Variants in CSMD1 observed in about 807,000 individuals in gnomAD.
CSMD1 encodes the protein CUB and sushi domain-containing protein 1.
In CSMD1, 213 loss-of-function variants were observed where a neutral mutation model predicts 417.5. That is an observed-to-expected ratio of 0.51 (90% CI 0.46 to 0.57). The LOEUF (loss-of-function observed/expected upper bound fraction) is 0.57. Among genes scored for constraint, CSMD1 ranks in the 20% least tolerant of loss-of-function variants. CSMD1 has a pLI of 0.00. For missense variants in CSMD1, 6,923 were observed against 4,529.7 expected, an observed-to-expected ratio of 1.53 and a Z score of -15.17; for synonymous variants, 2,862 against 1,736.8, an observed-to-expected ratio of 1.65 and a Z score of -16.11.
At chr8:3,632,180 T>C (rs1014395795) in intron 7 of CSMD1, among the ~76,000 whole-genome samples, 2 of 152,230 alleles carry the variant, frequency 1.3e-5, no homozygotes, top group Non-Finnish European at 2.9e-5. Context: ...CAAAGAGCTA[T>C]AGCAAAGGCA....
intron 1 of CSMD1, among the ~76,000 whole-genome samples, chr8:4,967,203 C>G (rs915638218): frequency 4.6e-5 from 7 of 152,034 alleles, no homozygotes; most frequent in African/African-American, 1.7e-4. Flanking sequence ...CATTTGTTTG[C>G]AAAGAAGAGC....
intron 3 of CSMD1, among the ~76,000 whole-genome samples, chr8:4,139,023 C>CAA (rs1803612651): frequency 6.6e-6 from 1 of 151,946 alleles, no homozygotes; most frequent in Non-Finnish European, 1.5e-5. Flanking sequence ...AGGACATATG[C>CAA]TGCATGTTTC....
At chr8:4,847,999 C>A (rs1395859284) in intron 1 of CSMD1, among the ~76,000 whole-genome samples, 1 of 152,110 alleles carries the variant, frequency 6.6e-6, no homozygotes, top group African/African-American at 2.4e-5. Context: ...TTCCAGGGCC[C>A]GAACAACAAC....
intron 3 of CSMD1, among the ~76,000 whole-genome samples, chr8:4,388,564 G>A (rs911773591): frequency 6.6e-6 from 1 of 151,734 alleles, no homozygotes; most frequent in Non-Finnish European, 1.5e-5. Context: ...GAAGGGTGGG[G>A]GGGTGATGGA....
Position 3,468,871 on chromosome 8 carries a change from C to G in CSMD1, c.1449-47G>C. 3.2e-6 allele frequency: 4 copies of G among 1,243,958 alleles called. 1 individual carries two copies. 77.1% of individuals were successfully genotyped at this position (1,243,958 alleles called of 1,614,324 possible). ...AAGCTTTTAGGTAAGGCAACAAGTA[C>G]ATCGACTTCCACCTGAAAGGAGGGT... On this transcript the variant is annotated intron_variant, in intron 11 of 69. Transcript: ENST00000635120.
At chr8:4,126,780 G>A (rs1174494755) in intron 3 of CSMD1, among the ~76,000 whole-genome samples, 1 of 152,124 alleles carries the variant, frequency 6.6e-6, no homozygotes, top group Non-Finnish European at 1.5e-5. Flanking sequence ...ATAGAAACAG[G>A]CAACACTTCA....
chr8:4,007,773 C>A (rs1052760770), intron 4 of CSMD1, among the ~76,000 whole-genome samples: 13 of 151,868 alleles, frequency 8.6e-5, no homozygotes, highest in Non-Finnish European at 1.9e-4. Flanking sequence ...TTGTCTTTAA[C>A]AAGTGTTGGG....
chr8:3,129,053 CT>C (rs1380534853), intron 41 of CSMD1, among the ~76,000 whole-genome samples: 2 of 152,130 alleles, frequency 1.3e-5, no homozygotes, highest in Non-Finnish European at 2.9e-5. Context: ...AGGACTTATG[CT>C]TTCTAACGCT....
chr8:4,147,742 C>A (rs1457558655), intron 3 of CSMD1, among the ~76,000 whole-genome samples: 2 of 152,246 alleles, frequency 1.3e-5, no homozygotes, highest in East Asian at 1.9e-4. Flanking sequence ...CCTAGGTTAA[C>A]AACCCCCGGC....
intron 3 of CSMD1, among the ~76,000 whole-genome samples, chr8:4,268,464 G>C (rs1280147622): frequency 1.3e-5 from 2 of 152,160 alleles, no homozygotes; most frequent in African/African-American, 4.8e-5. Flanking sequence ...CTGAAAGGTA[G>C]TATCGCTGCT....
intron 2 of CSMD1, among the ~76,000 whole-genome samples, chr8:4,531,614 C>G (rs1198926856): frequency 2.0e-5 from 3 of 152,074 alleles, no homozygotes; most frequent in Admixed American, 2.0e-4. Flanking sequence ...TTTCTGCGCT[C>G]GTCAGGCCCT....
chr8:3,597,063 A>G (rs1038589343), intron 8 of CSMD1, among the ~76,000 whole-genome samples: 7 of 152,146 alleles, frequency 4.6e-5, no homozygotes, highest in Non-Finnish European at 1.0e-4. Context: ...ATTGGCCGAT[A>G]AAACAGAGCC....
chr8:3,112,623 T>A (rs1233895433), intron 42 of CSMD1, among the ~76,000 whole-genome samples: 1 of 152,218 alleles, frequency 6.6e-6, no homozygotes, highest in Non-Finnish European at 1.5e-5. Flanking sequence ...GAGTGGGTTA[T>A]GTACCAGTAA....
chr8:4,176,382 T>A, intron 3 of CSMD1, among the ~76,000 whole-genome samples: 1 of 152,130 alleles, frequency 6.6e-6, no homozygotes, highest in East Asian at 1.9e-4. Flanking sequence ...CTCTTAAGCC[T>A]CTTATTCTCA....
intron 10 of CSMD1, among the ~76,000 whole-genome samples, chr8:3,519,254 T>C (rs1797404011): frequency 1.3e-5 from 2 of 152,232 alleles, no homozygotes; most frequent in South Asian, 2.1e-4. Context: ...CATTTTGTCC[T>C]GTTCATATTT....
At chr8:4,808,466 G>T (rs184610530) in intron 1 of CSMD1, among the ~76,000 whole-genome samples, 2 of 152,280 alleles carry the variant, frequency 1.3e-5, no homozygotes, top group East Asian at 3.9e-4. Context: ...CTTGAAGCTT[G>T]TATCTGTACT....
intron 2 of CSMD1, among the ~76,000 whole-genome samples, chr8:4,550,747 A>G (rs1797836143): frequency 6.6e-6 from 1 of 152,156 alleles, no homozygotes; most frequent in Non-Finnish European, 1.5e-5. Context: ...AATCTTAACA[A>G]CTTTTTCTTC....
At chr8:3,037,284 C>T (rs1055080809) in intron 50 of CSMD1, among the ~76,000 whole-genome samples, 2 of 145,622 alleles carry the variant, frequency 1.4e-5, no homozygotes, top group East Asian at 1.9e-4. Flanking sequence ...CGGCTCACTG[C>T]AAGCTCCGCC....
chr8:3,243,923 G>T lies in CSMD1; in HGVS notation c.4154-13692C>A, dbSNP rs78457866. ...TGAACTACATACATGTTTTTTAAAC[G>T]TTATGTAAAATTTTATTTGTTGACC... On this transcript the variant is annotated intron_variant, in intron 26 of 69. Transcript: ENST00000635120. Among the ~76,000 whole-genome samples, 1,585 of 152,074 alleles carry T rather than the reference G, an allele frequency of 0.01. 112 individuals are homozygous for T. In the East Asian group the frequency reaches 0.21, roughly 20 times the overall value.
Sources: allele counts gnomAD v4.1 joint callset (sites outside exome capture counted in the v4.1 genomes callset), GRCh38; gene constraint gnomAD v4.1.1; transcripts MANE v1.5; gene names NCBI Gene and HGNC (gene_info 2026-07-23, HGNC 2026-07-21).